The following KIAA1217 variants were observed in gnomAD, a reference collection of about 807,000 sequenced individuals.
The protein encoded by KIAA1217 is KIAA1217.
In KIAA1217, 88 loss-of-function variants were observed where a neutral mutation model predicts 163.9. That is an observed-to-expected ratio of 0.54 (90% CI 0.45 to 0.64). The LOEUF is 0.64. KIAA1217 is among the 30% of genes least tolerant of loss of function. The probability of loss-of-function intolerance (pLI) is 0.00; values close to 1 mark genes in which losing one functional copy is unlikely to be tolerated. For synonymous variants in KIAA1217, 903 were observed against 923.1 expected (o/e 0.98, Z 0.39); for missense variants, 2,372 against 2,475.0 (o/e 0.96, Z 0.88).
chr10:23,899,167 C>A (rs1469785313), intron 1 of KIAA1217, among the ~76,000 whole-genome samples: 1 of 152,056 alleles, frequency 6.6e-6, no homozygotes, highest in Non-Finnish European at 1.5e-5. Context: ...ATTGTGTGCA[C>A]CTGTGCAAGA....
chr10:24,379,919 G>T (rs1376534923), intron 2 of KIAA1217, among the ~76,000 whole-genome samples: 1 of 152,136 alleles, frequency 6.6e-6, no homozygotes, highest in Non-Finnish European at 1.5e-5. Flanking sequence ...GGGCATGATG[G>T]TACATGCCTG....
rs187132363 is a variant in KIAA1217 at position 24,150,442 on chromosome 10, C to G, written c.-170-69184C>G. On this transcript the variant is annotated intron_variant, in intron 2 of 18. Coordinates refer to the KIAA1217 transcript ENST00000376462. Reference sequence around the variant, plus strand: ...TCCAGAGACTAGTCTGATTCTGTCTCACTGTGGAGTATGGGCCAGACCAGA... The same window carrying G: ...TCCAGAGACTAGTCTGATTCTGTCTGACTGTGGAGTATGGGCCAGACCAGA... 3.9e-5 allele frequency among the ~76,000 whole-genome samples: 6 copies of G among 152,332 alleles called. No individual in the cohort carries two copies. In the East Asian group the frequency reaches 9.6e-4, roughly 24 times the overall value.
chr10:23,871,125 G>A (rs1840437577), intron 1 of KIAA1217, among the ~76,000 whole-genome samples: 1 of 151,340 alleles, frequency 6.6e-6, no homozygotes. Flanking sequence ...TCCCAGAGTT[G>A]TTTTTCTGGA....
intron 9 of KIAA1217, among the ~76,000 whole-genome samples, chr10:24,508,740 C>T (rs2068698463): frequency 6.6e-6 from 1 of 152,176 alleles, no homozygotes; most frequent in African/African-American, 2.4e-5. Context: ...CTGAAAAACT[C>T]AGCAACAGGG....
chr10:24,378,358 T>G (rs755289463), intron 2 of KIAA1217, among the ~76,000 whole-genome samples: 4 of 152,046 alleles, frequency 2.6e-5, no homozygotes, highest in Non-Finnish European at 5.9e-5. Context: ...TGGGAGTGGG[T>G]AGCCCTGTAC....
intron 1 of KIAA1217, among the ~76,000 whole-genome samples, chr10:23,927,325 GGT>G (rs57321785): frequency 0.036 from 5,067 of 142,612 alleles, 179 homozygotes; most frequent in African/African-American, 0.1. Flanking sequence ...CAAGTCATAG[GGT>G]GTGTGTGTGT....
At chr10:24,354,719 A>G (rs989544842) in intron 2 of KIAA1217, among the ~76,000 whole-genome samples, 1 of 97,534 alleles carries the variant, frequency 1.0e-5, no homozygotes, top group Non-Finnish European at 2.0e-5. Context: ...CAGCATTCAG[A>G]TGTTCCTTCT....
At chr10:24,294,187 C>CAAAAAAAAAAAAA (rs371110913) in intron 2 of KIAA1217, among the ~76,000 whole-genome samples, 1 of 55,110 alleles carries the variant, frequency 1.8e-5, no homozygotes, top group Non-Finnish European at 2.9e-5. Flanking sequence ...GACTCCGTCT[C>CAAAAAAAAAAAAA]AAAAAAAAAA....
Position 24,544,380 on chromosome 10 carries a change from T to G in KIAA1217, c.5110T>G (p.Ser1704Ala). 6.2e-7 allele frequency: 1 copy of G among 1,614,082 alleles called. No homozygotes were observed. The highest frequency in any genetic ancestry group is 8.5e-7 in the Non-Finnish European group (1 of 1,180,018). ...CAACAGAGATTCTGTTGCAAGTTCA[T>G]CCCACATAGCCCAAGAGGCCTCTCC... Reference protein sequence around the residue: ...SSNRDSVASSSHIAQEASPRP... With the variant: ...SSNRDSVASSAHIAQEASPRP... The change falls in exon 19 of 21, where the codon TCC (serine) becomes GCC (alanine). Residue 1704 changes from serine to alanine, a missense_variant. By Grantham distance (99) the Ser-to-Ala change is moderately conservative (BLOSUM62 1). This residue lies in a region of KIAA1217 where 690 missense variants were observed against 677.5 expected (regional missense o/e 1.02). Coordinates refer to ENST00000376454, the MANE Select transcript of KIAA1217 (RefSeq NM_019590.5).
chr10:24,074,303 C>A (rs552069179), intron 2 of KIAA1217, among the ~76,000 whole-genome samples: 3 of 152,042 alleles, frequency 2.0e-5, no homozygotes, highest in Non-Finnish European at 4.4e-5. Context: ...GAGCTGAGAT[C>A]GTGTCACTGC....
intron 1 of KIAA1217, among the ~76,000 whole-genome samples, chr10:23,810,256 ACTAC>A (rs1836935926): frequency 6.7e-6 from 1 of 149,914 alleles, no homozygotes; most frequent in African/African-American, 2.4e-5. Context: ...CCTCTTTCTG[ACTAC>A]CTACCTGTCT....
chr10:24,434,050 T>C (rs71493384), intron 4 of KIAA1217, among the ~76,000 whole-genome samples: 6 of 142,368 alleles, frequency 4.2e-5, no homozygotes, highest in Non-Finnish European at 9.2e-5. Context: ...TTTTTTTTTT[T>C]TTTTATGAGA....
chr10:23,718,645 A>C (rs200662371), intron 1 of KIAA1217, among the ~76,000 whole-genome samples: 1 of 152,294 alleles, frequency 6.6e-6, no homozygotes, highest in South Asian at 2.1e-4. Flanking sequence ...TAAAAAAAAA[A>C]AACTTTTACA....
intron 17 of KIAA1217, among the ~76,000 whole-genome samples, chr10:24,538,439 AG>A (rs1413107925): frequency 6.6e-6 from 1 of 151,990 alleles, no homozygotes; most frequent in Non-Finnish European, 1.5e-5. Flanking sequence ...GCATTTTAGG[AG>A]GCCAAGACGG....
intron 2 of KIAA1217, among the ~76,000 whole-genome samples, chr10:24,235,688 T>C (rs1459268015): frequency 6.6e-6 from 1 of 152,196 alleles, no homozygotes; most frequent in Non-Finnish European, 1.5e-5. Context: ...TAGGACTAAA[T>C]ACAGCCTGCA....
At chr10:24,141,308 G>C (rs770756514) in intron 2 of KIAA1217, among the ~76,000 whole-genome samples, 83 of 137,098 alleles carry the variant, frequency 6.1e-4, no homozygotes, top group Non-Finnish European at 2.6e-4. Flanking sequence ...TTTGATCAAA[G>C]GAACTGTGAT....
At chr10:24,167,287 G>A (rs1040818362) in intron 2 of KIAA1217, among the ~76,000 whole-genome samples, 174 of 10,134 alleles carry the variant, frequency 0.017, 1 homozygote, top group African/African-American at 0.088. Context: ...GTATGTGCGT[G>A]TGTGTGTGTG....
At chr10:24,498,993 C>A (rs1457324103) in intron 8 of KIAA1217, among the ~76,000 whole-genome samples, 1 of 152,088 alleles carries the variant, frequency 6.6e-6, no homozygotes, top group Non-Finnish European at 1.5e-5. Context: ...GTGTGATTTC[C>A]TTTGGCTGAG....
rs118184378 is a variant in KIAA1217, at chr10:24,491,131, C to T, written c.1680-3369C>T. The stretch of plus-strand genomic sequence containing the variant: ...GTACTCACTGAGCCAAGGAACATGC[C>T]GAAGGTGTGTCTGCAGCTCCCCAGA... On this transcript the variant is annotated intron_variant, in intron 6 of 20. Coordinates refer to ENST00000376454, the MANE Select transcript of KIAA1217 (RefSeq NM_019590.5). Among the ~76,000 whole-genome samples the T allele has an allele frequency of 3.8e-3, 577 of 152,130 alleles. 7 individuals carry two copies. The highest frequency in any genetic ancestry group is 0.024 in the Admixed American group (371 of 15,276).
Sources: allele counts gnomAD v4.1 joint callset (sites outside exome capture counted in the v4.1 genomes callset), GRCh38; gene constraint gnomAD v4.1.1; regional missense constraint gnomAD v4.1.1; transcripts MANE v1.5; gene names NCBI Gene and HGNC (gene_info 2026-07-23, HGNC 2026-07-21).